KBTBD3: variants seen among roughly 807,000 people sequenced by gnomAD.
KBTBD3 encodes the protein kelch repeat and BTB domain containing 3.
Under a neutral mutation model 49.6 loss-of-function variants are expected in KBTBD3, and 38 were observed. The ratio of observed to expected loss-of-function variants is 0.77; its 90% CI spans 0.59 to 1.00. The LOEUF is 1.00. Among genes scored for constraint, KBTBD3 ranks in the 50% least tolerant of loss-of-function variants. The probability of loss-of-function intolerance (pLI) is 0.00; values close to 1 mark genes in which losing one functional copy is unlikely to be tolerated. For missense variants in KBTBD3, 661 were observed against 712.0 expected (o/e 0.93, Z 0.81); for synonymous variants, 214 against 250.4 (o/e 0.85, Z 1.37).
rs146526451 is a variant in KBTBD3 at position 106,060,221 on chromosome 11, T to C, written c.-12-1112A>G. 3.2e-4 allele frequency among the ~76,000 whole-genome samples: 49 copies of C among 152,114 alleles called. No individual in the cohort carries two copies. In the East Asian group the frequency reaches 9.3e-3, roughly 29 times the overall value. On this transcript the variant is annotated intron_variant, in intron 2 of 3. Coordinates refer to ENST00000531837, the MANE Select transcript of KBTBD3 (RefSeq NM_198439.3). ...AAAAAGAAAAAATTTGATATAACTA[T>C]ATTCGATATATCTATTTAATACACA...
chr11:106,053,840 T>C lies in KBTBD3; in HGVS notation c.849A>G (p.Gly283=). 2 of 1,613,874 alleles carry C rather than the reference T, an allele frequency of 1.2e-6. No homozygotes were observed. Among genetic ancestry groups the C allele is most frequent in the Non-Finnish European group, 1.7e-6 (2 of 1,179,900 alleles). Residue 283 remains glycine (G), a synonymous_variant, in exon 4 of 4, where the codon GGA becomes GGG. Coordinates refer to ENST00000531837, the MANE Select transcript of KBTBD3 (RefSeq NM_198439.3). ...DAIKCVQGSG[G]LFPDARPSTT... is the part of the protein sequence containing the mutation. ...TGGATGGTCGAGCATCAGGGAAGAG[T>C]CCACCAGAACCTTGCACACACTTAA...
chr11:106,055,994 T>C (rs915387170), intron 3 of KBTBD3, among the ~76,000 whole-genome samples: 2 of 152,196 alleles, frequency 1.3e-5, no homozygotes, highest in African/African-American at 4.8e-5. Flanking sequence ...AAAGTATGTA[T>C]AAAACATGTG....
intron 2 of KBTBD3, among the ~76,000 whole-genome samples, chr11:106,062,541 A>G (rs762067376): frequency 9.8e-5 from 15 of 152,356 alleles, no homozygotes; most frequent in South Asian, 4.1e-4. Context: ...ATTTGAGTCC[A>G]ATGGCAGGAA....
intron 2 of KBTBD3, among the ~76,000 whole-genome samples, chr11:106,066,913 A>T (rs1860820548): frequency 6.6e-6 from 1 of 152,158 alleles, no homozygotes; most frequent in Admixed American, 6.5e-5. Flanking sequence ...AAATAAATGA[A>T]GATGATGAAA....
chr11:106,073,104 GT>G (rs933420389), intron 2 of KBTBD3, among the ~76,000 whole-genome samples: 1 of 151,760 alleles, frequency 6.6e-6, no homozygotes, highest in East Asian at 1.9e-4. Flanking sequence ...TTTTTTGTTT[GT>G]TTTTTTGAGA....
rs887974338 is a variant in KBTBD3 at position 106,051,777 on chromosome 11, G to A, written c.*1073C>T. 2.0e-5 allele frequency: 3 copies of A among 151,604 alleles called. No individual in the cohort carries two copies. Among genetic ancestry groups the A allele is most frequent in the African/African-American group, 4.8e-5 (2 of 41,316 alleles). The allele number at this position is 151,604 out of a possible 1,614,324, so 9.4% of individuals were successfully genotyped here. On this transcript the variant is annotated 3_prime_UTR_variant, in exon 4 of 4. Transcript: ENST00000531837. ...GTGAATACTATTATCAATACCAAAA[G>A]CCAAGTCATTTTTTTTAATTTAGAA...
chr11:106,053,677 A>C lies in KBTBD3; in HGVS notation c.1012T>G (p.Ser338Ala), dbSNP rs766688879. 1.2e-6 allele frequency: 2 copies of C among 1,613,784 alleles called. No individual in the cohort carries two copies. The highest frequency in any genetic ancestry group is 3.3e-5 in the Admixed American group (2 of 59,980). The change falls in exon 4 of 4, where the codon TCG becomes GCG. Residue 338 changes from serine to alanine, a missense_variant. By Grantham distance (99) the Ser-to-Ala change is moderately conservative. Coordinates refer to ENST00000531837, the MANE Select transcript of KBTBD3 (RefSeq NM_198439.3). ...HLIDLPGSSL[S>A]SYGEKIFLTG... is the part of the protein sequence containing the mutation. ...AAGAATATTTTCTCTCCGTAACTCG[A>C]AAGACTAGATCCTGGCAAATCAATC...
Position 106,064,816 on chromosome 11 carries a change from A to AAT in KBTBD3, c.-12-5708_-12-5707insAT, listed in dbSNP as rs1344138813. Among the ~76,000 whole-genome samples, 314 of 152,288 alleles carry AAT rather than the reference A, an allele frequency of 2.1e-3. No homozygotes were observed. In the Middle Eastern group the frequency reaches 0.024, roughly 12 times the overall value. ...GGAATCTCTATGGCCTGTCTAAAATAACTACAGAATCGGGTGACTCAGTCC... is the reference window on the plus strand; with the variant it reads ...GGAATCTCTATGGCCTGTCTAAAATAATACTACAGAATCGGGTGACTCAGTCC... On this transcript the variant is annotated intron_variant, in intron 2 of 3. Coordinates refer to ENST00000531837, the MANE Select transcript of KBTBD3 (RefSeq NM_198439.3).
In KBTBD3 at chr11:106,052,313, A is replaced by G. The variant is rs898034280; in HGVS notation, c.*537T>C. Reference sequence around the variant, plus strand: ...GCTTTTAATGAAAAAATGAGTCATTAAAAAAAGTTAAACTATGTTTAGTGT... The same window carrying G: ...GCTTTTAATGAAAAAATGAGTCATTGAAAAAAGTTAAACTATGTTTAGTGT... On this transcript the variant is annotated 3_prime_UTR_variant, in exon 4 of 4. Transcript: ENST00000531837. 1 of 152,016 alleles carries G rather than the reference A, an allele frequency of 6.6e-6. No homozygotes were observed. The highest frequency in any genetic ancestry group is 1.9e-4 in the East Asian group (1 of 5,204). The allele number at this position is 152,016 out of a possible 1,614,324, so 9.4% of individuals were successfully genotyped here.
chr11:106,067,165 C>CA (rs1327980969), intron 2 of KBTBD3, among the ~76,000 whole-genome samples: 1 of 152,104 alleles, frequency 6.6e-6, no homozygotes, highest in African/African-American at 2.4e-5. Flanking sequence ...GAAGACCACA[C>CA]AAAAAAATTC....
At chr11:106,060,127 G>A (rs1293838486) in intron 2 of KBTBD3, among the ~76,000 whole-genome samples, 1 of 133,116 alleles carries the variant, frequency 7.5e-6, no homozygotes, top group Non-Finnish European at 1.6e-5. Context: ...ACGGCTAGAA[G>A]AGAGGGGATC....
chr11:106,060,771 C>T (rs560814753), intron 2 of KBTBD3, among the ~76,000 whole-genome samples: 8 of 152,222 alleles, frequency 5.3e-5, no homozygotes, highest in Non-Finnish European at 7.4e-5. Context: ...GCAATTGCAA[C>T]GAAAGCCAAA....
intron 2 of KBTBD3, among the ~76,000 whole-genome samples, chr11:106,075,311 A>G (rs1359080532): frequency 1.3e-5 from 2 of 152,210 alleles, no homozygotes; most frequent in African/African-American, 4.8e-5. Context: ...TATTTCCTTA[A>G]TAAAAGTGAG....
intron 2 of KBTBD3, among the ~76,000 whole-genome samples, chr11:106,069,535 CTT>C (rs1254106646): frequency 1.3e-5 from 2 of 150,480 alleles, no homozygotes; most frequent in African/African-American, 4.9e-5. Flanking sequence ...GAAAGAAATA[CTT>C]ACGTATAAAT....
At chr11:106,065,822 A>T (rs907281099) in intron 2 of KBTBD3, among the ~76,000 whole-genome samples, 2 of 152,022 alleles carry the variant, frequency 1.3e-5, no homozygotes, top group East Asian at 3.9e-4. Flanking sequence ...TTAGCCAGGC[A>T]TGGTAGTGGG....
chr11:106,058,753 T>TTTTTTTTTTTTTTTTTTTTTA (rs1375718068), intron 3 of KBTBD3, 112 bp downstream of exon 3: 1 of 698,996 alleles, frequency 1.4e-6, no homozygotes, highest in African/African-American at 1.9e-5. Flanking sequence ...TTTTTTTTTT[T>TTTTTTTTTTTTTTTTTTTTTA]AGAATTAAAA....
intron 2 of KBTBD3, among the ~76,000 whole-genome samples, chr11:106,073,196 C>G (rs1036234133): frequency 6.6e-6 from 1 of 151,402 alleles, no homozygotes; most frequent in African/African-American, 2.4e-5. Context: ...TGGGCTCAAG[C>G]AGTCCTCCCA....
At chr11:106,063,404 T>A (rs1860741929) in intron 2 of KBTBD3, among the ~76,000 whole-genome samples, 1 of 152,264 alleles carries the variant, frequency 6.6e-6, no homozygotes, top group Admixed American at 6.5e-5. Context: ...ACCTGATTCA[T>A]GAATTGTTCT....
rs1192950759 is a variant in KBTBD3, at chr11:106,058,943, TA to T, written c.154del (p.Tyr52MetfsTer5). 3 of 1,576,172 alleles carry T rather than the reference TA, an allele frequency of 1.9e-6. No homozygotes were observed. Among genetic ancestry groups the T allele is most frequent in the Admixed American group, 4.1e-5 (2 of 48,572 alleles). The part of the protein sequence containing the change: ...LQNFREQNVF[Y>X]DFKIIMKDEI... ...ATCTTTCATAATTATTTTGAAATCA[TA>T]AAAGACATTTTGTTCTCTAAAATTC... is the stretch of plus-strand genomic sequence containing the variant. On this transcript the variant is annotated frameshift_variant, in exon 3 of 4. Transcript: ENST00000531837. LOFTEE classifies it high-confidence loss of function.
Sources: gnomAD v4.1 joint callset for allele counts (sites outside exome capture counted in the v4.1 genomes callset) on GRCh38, gnomAD v4.1.1 for gene constraint, MANE v1.5 for transcripts, NCBI Gene and HGNC (gene_info 2026-07-23, HGNC 2026-07-21) for gene names.